The following RASGRP4 variants were observed in gnomAD, a reference collection of about 807,000 sequenced individuals.
RASGRP4 encodes RAS guanyl releasing protein 4.
In RASGRP4, 52 loss-of-function variants were observed where a neutral mutation model predicts 84.4. That is an observed-to-expected ratio of 0.62 (90% CI 0.49 to 0.78). The LOEUF (loss-of-function observed/expected upper bound fraction) is 0.78, where lower values mean the gene tolerates loss of function less well. RASGRP4 is among the 30% of genes least tolerant of loss of function. RASGRP4 has a pLI of 0.00. For missense variants in RASGRP4, 760 were observed against 886.9 expected, an observed-to-expected ratio of 0.86 and a Z score of 1.82; for synonymous variants, 356 against 359.1, an observed-to-expected ratio of 0.99 and a Z score of 0.10.
At chr19:38,420,467 G>C (rs984244292) in intron 4 of RASGRP4, among the ~76,000 whole-genome samples, 1 of 151,462 alleles carries the variant, frequency 6.6e-6, no homozygotes, top group African/African-American at 2.4e-5. Context: ...AGACTGGGGG[G>C]ATCTGTGGGA....
At position 38,415,112 on chromosome 19, in the gene RASGRP4, CT is replaced by C; in HGVS notation, c.965del (p.Glu322GlyfsTer58). On this transcript the variant is annotated frameshift_variant, in exon 9 of 17. Transcript: ENST00000615439. LOFTEE classifies it high-confidence loss of function. ...TGTGGGAGGCAAGGAGCTCAGTGAG[CT>C]CCAGGAGGGCCTGGGGAGGAGGGAC... ...LSPDSTKALLELTELLASHNN... is the reference protein window; with the variant it reads ...LSPDSTKALLXLTELLASHNN... 6.3e-7 allele frequency: 1 copy of C among 1,594,276 alleles called. No homozygotes were observed. Among genetic ancestry groups the C allele is most frequent in the Non-Finnish European group, 8.6e-7 (1 of 1,169,498 alleles).
chr19:38,425,197 A>C (rs199498255), intron 1 of RASGRP4, among the ~76,000 whole-genome samples: 19 of 128,910 alleles, frequency 1.5e-4, no homozygotes, highest in Admixed American at 4.5e-4. Flanking sequence ...AAAAAAAAAC[A>C]AAAAAAAAAA....
At chr19:38,424,578 C>A (rs1307640712) in intron 1 of RASGRP4, among the ~76,000 whole-genome samples, 1 of 149,726 alleles carries the variant, frequency 6.7e-6, no homozygotes, top group African/African-American at 2.5e-5. Flanking sequence ...CACGACCATA[C>A]CCAGCTAATT....
intron 16 of RASGRP4, 130 bp from the exon 17 acceptor site, chr19:38,410,226 A>G (rs1283748450): frequency 1.5e-6 from 1 of 652,088 alleles, no homozygotes; most frequent in Non-Finnish European, 2.6e-6. Flanking sequence ...TCCCCTGTGG[A>G]ATCCTTTTTG....
chr19:38,411,406 T>A, intron 13 of RASGRP4, 25 bp from the exon 14 acceptor site: 1 of 1,527,402 alleles, frequency 6.5e-7, no homozygotes, highest in South Asian at 1.2e-5. Flanking sequence ...GAGAAAAGGT[T>A]ACCCATCCTA....
chr19:38,424,162 C>T (rs1158028142), intron 1 of RASGRP4, among the ~76,000 whole-genome samples: 1 of 152,098 alleles, frequency 6.6e-6, no homozygotes, highest in Non-Finnish European at 1.5e-5. Context: ...CTCTGTCACC[C>T]AGGCTGGAGT....
intron 1 of RASGRP4, among the ~76,000 whole-genome samples, chr19:38,422,582 G>A (rs1600578893): frequency 1.3e-5 from 2 of 152,024 alleles, no homozygotes; most frequent in African/African-American, 4.8e-5. Flanking sequence ...CTTCACATGC[G>A]AGGGATCTAG....
intron 16 of RASGRP4, 133 bp downstream of exon 16, chr19:38,410,753 C>A: frequency 1.5e-6 from 1 of 659,184 alleles, no homozygotes; most frequent in Admixed American, 2.6e-5. Context: ...AGTATCCATA[C>A]CCTCCTACCC....
intron 9 of RASGRP4, among the ~76,000 whole-genome samples, chr19:38,414,384 TGGCG>T (rs1284402566): frequency 6.6e-6 from 1 of 151,648 alleles, no homozygotes; most frequent in East Asian, 1.9e-4. Context: ...AATGGCGCAA[TGGCG>T]CAATCTCAGC....
Position 38,412,318 on chromosome 19 carries a change from T to C in RASGRP4, c.1680+354A>G. The stretch of plus-strand genomic sequence containing the variant: ...TTTTTAGTAGAGACGGGGTCTCTCT[T>C]GCTATGTTCCCTAGGCTGGTCTTGA... On this transcript the variant is annotated intron_variant, in intron 13 of 16. Transcript: ENST00000615439. This position sits in a 1 kb window ranked among gnomAD's most constrained non-coding sequence, Gnocchi z 4.6. 4.3e-6 allele frequency: 1 copy of C among 232,738 alleles called. No individual in the cohort carries two copies. The highest frequency in any genetic ancestry group is 8.5e-6 in the Non-Finnish European group (1 of 117,478). The allele number at this position is 232,738 out of a possible 1,614,324, so 14.4% of individuals were successfully genotyped here. A position where few individuals can be genotyped will look rare whatever the true frequency, so the allele number is the denominator to read the frequency against.
chr19:38,422,346 G>A (rs1335860284), intron 1 of RASGRP4, among the ~76,000 whole-genome samples, 193 bp from the exon 2 acceptor site: 1 of 152,164 alleles, frequency 6.6e-6, no homozygotes, highest in Non-Finnish European at 1.5e-5. Flanking sequence ...GGAATCATGG[G>A]AGCCCTCTCC....
At chr19:38,414,371 TGCAATGGC>T (rs55913558) in intron 9 of RASGRP4, among the ~76,000 whole-genome samples, 49,353 of 151,322 alleles carry the variant, frequency 0.33, 12,499 homozygotes, top group African/African-American at 0.71. Context: ...CAGGCTGGGG[TGCAATGGC>T]GCAATGGCGC....
chr19:38,411,017 AAG>A lies in RASGRP4; in HGVS notation c.1853-21_1853-20del. 1 of 1,608,298 alleles carries A rather than the reference AAG, an allele frequency of 6.2e-7. No individual in the cohort carries two copies. The highest frequency in any genetic ancestry group is 8.5e-7 in the Non-Finnish European group (1 of 1,177,328). ...TCGGAGCCTGTTTGTGGGTGGATGG[AAG>A]GGATGTGGGTCTGATGGGAAGGACC... On this transcript the variant is annotated intron_variant, in intron 15 of 16. Coordinates refer to ENST00000615439, the MANE Select transcript of RASGRP4 (RefSeq NM_170604.3).
In RASGRP4 at chr19:38,414,910, C is replaced by T. The variant is rs747954385; in HGVS notation, c.1168G>A (p.Val390Met). ...GGTGGATGCTGCCCTTGGAGGGCCA[C>T]CAGCTCCTGCAGCCGCAGGTAGAGG... Reference protein sequence around the residue: ...NNLYLRLQELVALQGQHPPCS... With the variant: ...NNLYLRLQELMALQGQHPPCS... The change falls in exon 9 of 17, where the codon GTG becomes ATG. Residue 390 changes from valine to methionine, a missense_variant. Coordinates refer to ENST00000615439, the MANE Select transcript of RASGRP4 (RefSeq NM_170604.3). The T allele has an allele frequency of 6.2e-7, 1 of 1,611,066 alleles. No homozygotes were observed. The highest frequency in any genetic ancestry group is 8.5e-7 in the Non-Finnish European group (1 of 1,178,938).
rs530242911 is a variant in RASGRP4 at position 38,422,762 on chromosome 19, G to A, written c.24-609C>T. The stretch of plus-strand genomic sequence containing the variant: ...CTGATTCTCCATTATGGTGAGCTGC[G>A]TAACTATTTCATTATATATTACAAT... On this transcript the variant is annotated intron_variant, in intron 1 of 16. Transcript: ENST00000615439. Among the ~76,000 whole-genome samples, 206 of 152,014 alleles carry A rather than the reference G, an allele frequency of 1.4e-3. 1 individual carries two copies. The highest frequency in any genetic ancestry group is 1.8e-3 in the Non-Finnish European group (120 of 67,960).
At chr19:38,414,784 C>A in intron 9 of RASGRP4, 64 bp downstream of exon 9, 2 of 1,461,562 alleles carry the variant, frequency 1.4e-6, no homozygotes, top group South Asian at 1.3e-5. Context: ...GACACTCACA[C>A]ACCCAGGACC....
Position 38,418,354 on chromosome 19 carries a change from T to C in RASGRP4, c.837+37A>G. 6.3e-7 allele frequency: 1 copy of C among 1,577,920 alleles called. No homozygotes were observed. Among genetic ancestry groups the C allele is most frequent in the South Asian group, 1.2e-5 (1 of 86,550 alleles). On this transcript the variant is annotated intron_variant, in intron 7 of 16. Coordinates refer to ENST00000615439, the MANE Select transcript of RASGRP4 (RefSeq NM_170604.3). This position sits in a 1 kb window ranked among gnomAD's most constrained non-coding sequence, Gnocchi z 4.6. Reference sequence around the variant, plus strand: ...GAAGGGGAAGGACCAGGTGGCTGCGTGCAGTGGAGTTCGCAGCCCCAAGGG... The same window carrying C: ...GAAGGGGAAGGACCAGGTGGCTGCGCGCAGTGGAGTTCGCAGCCCCAAGGG...
At chr19:38,415,966 G>A (rs1056628398) in intron 8 of RASGRP4, among the ~76,000 whole-genome samples, 1 of 151,632 alleles carries the variant, frequency 6.6e-6, no homozygotes, top group African/African-American at 2.4e-5. Context: ...GTCTGAGGCA[G>A]GCGAATCGCT....
At position 38,419,868 on chromosome 19, in the gene RASGRP4, C is replaced by A; in HGVS notation, c.655G>T (p.Ala219Ser). Reference protein sequence around the residue: ...LTYLEFRSFQAITPQDLRSYV... With the variant: ...LTYLEFRSFQSITPQDLRSYV... ...TGGGAGGGGGTCCTCACCGTGATAG[C>A]CTGGAAGGACCGGAACTCCAGGTAG... The change falls in exon 6 of 17, where the codon GCT (alanine) becomes TCT (serine). Residue 219 changes from alanine to serine, a missense_variant. Physicochemically the swap from Ala to Ser is moderately conservative, Grantham distance 99. Transcript: ENST00000615439. The A allele has an allele frequency of 6.3e-7, 1 of 1,596,832 alleles. No homozygotes were observed. Among genetic ancestry groups the A allele is most frequent in the African/African-American group, 1.3e-5 (1 of 74,780 alleles).
Sources: gnomAD v4.1 joint callset for allele counts (sites outside exome capture counted in the v4.1 genomes callset) on GRCh38, gnomAD v4.1.1 for gene constraint, Gnocchi (gnomAD v3.1) non-coding constraint, MANE v1.5 for transcripts, NCBI Gene and HGNC (gene_info 2026-07-23, HGNC 2026-07-21) for gene names.